PCBP3: variants seen among roughly 807,000 people sequenced by gnomAD.
The protein encoded by PCBP3 is poly(rC) binding protein 3, also known as poly(rC)-binding protein 3.
Under a neutral mutation model 52.7 loss-of-function variants are expected in PCBP3, and 25 were observed. The observed-to-expected ratio is 0.47, with a 90% CI of 0.35 to 0.66. The LOEUF (loss-of-function observed/expected upper bound fraction) is 0.66. Ranked by LOEUF, PCBP3 falls within the 30% of genes least tolerant of loss-of-function variation. The pLI, the probability that PCBP3 is intolerant of heterozygous loss-of-function variation, is 0.01. For missense variants in PCBP3, 391 were observed against 490.3 expected (o/e 0.80, Z 1.91); for synonymous variants, 162 against 183.0 (o/e 0.89, Z 0.93).
intron 2 of PCBP3, among the ~76,000 whole-genome samples, chr21:45,708,251 T>C (rs922587448): frequency 1.3e-5 from 2 of 152,006 alleles, no homozygotes; most frequent in African/African-American, 4.8e-5. Context: ...AGGGCTAGAG[T>C]GGTGCTCTGG....
Position 45,802,892 on chromosome 21 carries a change from G to A in PCBP3, c.-125-47069G>A, listed in dbSNP as rs1466875848. On this transcript the variant is annotated intron_variant, in intron 4 of 17. Transcript: ENST00000681687. The surrounding 1 kb of genome is among the most constrained non-coding windows in gnomAD (Gnocchi z 5.1). ...TTGTCGTGTATAAACGACTCACTAG[G>A]TCTTGGTGCATTTTTCATTGATACT... Among the ~76,000 whole-genome samples the A allele has an allele frequency of 1.3e-5, 2 of 152,220 alleles. No homozygotes were observed. The highest frequency in any genetic ancestry group is 2.4e-5 in the African/African-American group (1 of 41,454).
intron 4 of PCBP3, chr21:45,762,051 A>G (rs1181370503): frequency 1.3e-5 from 2 of 152,092 alleles, no homozygotes; most frequent in African/African-American, 4.8e-5. Flanking sequence ...TTTATTTTCT[A>G]TTGCTGTGTA....
chr21:45,806,448 C>A (rs949734697), intron 4 of PCBP3, among the ~76,000 whole-genome samples: 1 of 150,890 alleles, frequency 6.6e-6, no homozygotes, highest in East Asian at 1.9e-4. Flanking sequence ...GCCCTGGATG[C>A]CTTCAGAACA....
At chr21:45,906,968 A>G (rs962401761) in intron 9 of PCBP3, among the ~76,000 whole-genome samples, 1 of 152,208 alleles carries the variant, frequency 6.6e-6, no homozygotes, top group African/African-American at 2.4e-5. Flanking sequence ...TGCAGGTCGG[A>G]TGCAGGAAGA....
At chr21:45,909,798 C>CGG (rs1569484467) in intron 10 of PCBP3, among the ~76,000 whole-genome samples, 14 of 90,482 alleles carry the variant, frequency 1.5e-4, no homozygotes, top group African/African-American at 3.2e-4. Context: ...GGACCCCCCC[C>CGG]CCACCCACTG....
rs537609673 is a variant in PCBP3 at position 45,650,978 on chromosome 21, G to A, written c.-279+7110G>A. Among the ~76,000 whole-genome samples the A allele has an allele frequency of 2.0e-5, 3 of 152,222 alleles. No individual in the cohort carries two copies. In the East Asian group the frequency reaches 5.8e-4, roughly 29 times the overall value. ...GGGGGCACTCAGTCCAATAGCACAAGGAAACAAATTTTGTCAATAATCTTG... is the reference window on the plus strand; with the variant it reads ...GGGGGCACTCAGTCCAATAGCACAAAGAAACAAATTTTGTCAATAATCTTG... On this transcript the variant is annotated intron_variant, in intron 1 of 17. Transcript: ENST00000681687.
intron 2 of PCBP3, among the ~76,000 whole-genome samples, chr21:45,720,960 G>A (rs1307301092): frequency 1.3e-5 from 2 of 152,218 alleles, no homozygotes; most frequent in Non-Finnish European, 2.9e-5. Flanking sequence ...GGGTGTGGGG[G>A]CCCTTTCAGC....
At chr21:45,667,137 CCCTTT>C (rs2147199051) in intron 1 of PCBP3, among the ~76,000 whole-genome samples, 1 of 113,604 alleles carries the variant, frequency 8.8e-6, no homozygotes, top group South Asian at 2.9e-4. Flanking sequence ...CCCTTCCCTT[CCCTTT>C]TTCTTTCTTT....
intron 4 of PCBP3, among the ~76,000 whole-genome samples, chr21:45,795,288 A>G (rs913736963): frequency 6.6e-6 from 1 of 151,194 alleles, no homozygotes; most frequent in East Asian, 1.9e-4. Flanking sequence ...GGAAGGGGAC[A>G]CAGAGGACAC....
chr21:45,809,182 G>C (rs2146976763), intron 4 of PCBP3, among the ~76,000 whole-genome samples: 1 of 152,212 alleles, frequency 6.6e-6, no homozygotes, highest in East Asian at 1.9e-4. Context: ...AGAACTTAAA[G>C]TATAAAAAAA....
chr21:45,747,755 C>T (rs2087033558), intron 3 of PCBP3, among the ~76,000 whole-genome samples: 1 of 152,260 alleles, frequency 6.6e-6, no homozygotes, highest in Non-Finnish European at 1.5e-5. Flanking sequence ...GGAAATGGTG[C>T]AGCACACCTC....
intron 1 of PCBP3, among the ~76,000 whole-genome samples, chr21:45,664,971 AT>A (rs1181831835): frequency 6.6e-6 from 1 of 151,868 alleles, no homozygotes; most frequent in Non-Finnish European, 1.5e-5. Context: ...TTTCATCAGC[AT>A]TTTGCAGTTG....
At chr21:45,780,175 C>T (rs536699097) in intron 4 of PCBP3, among the ~76,000 whole-genome samples, 1 of 152,196 alleles carries the variant, frequency 6.6e-6, no homozygotes, top group African/African-American at 2.4e-5. Flanking sequence ...AAACGTGAGG[C>T]GTTCTTTGTG....
chr21:45,760,081 A>G (rs2088475285), intron 4 of PCBP3: 1 of 152,236 alleles, frequency 6.6e-6, no homozygotes, highest in South Asian at 2.1e-4. Flanking sequence ...TATACTTAAT[A>G]TATCTTTCAG....
chr21:45,927,793 C>T (rs2075670497), intron 13 of PCBP3, among the ~76,000 whole-genome samples: 1 of 152,170 alleles, frequency 6.6e-6, no homozygotes, highest in South Asian at 2.1e-4. Context: ...AGTCAAGGAA[C>T]TGAGGCCTGG....
At chr21:45,740,152 C>T (rs1332002333) in intron 3 of PCBP3, among the ~76,000 whole-genome samples, 3 of 152,184 alleles carry the variant, frequency 2.0e-5, no homozygotes, top group African/African-American at 4.8e-5. Flanking sequence ...CCCCATCCTC[C>T]GACCCAAGGG....
intron 9 of PCBP3, among the ~76,000 whole-genome samples, chr21:45,906,810 A>C (rs145154678): frequency 2.0e-4 from 30 of 152,340 alleles, no homozygotes; most frequent in East Asian, 1.9e-4. Flanking sequence ...GTGGAGTCCC[A>C]GAGCAAGAAT....
intron 2 of PCBP3, among the ~76,000 whole-genome samples, chr21:45,702,461 C>G (rs946761611): frequency 2.6e-5 from 4 of 152,086 alleles, no homozygotes; most frequent in African/African-American, 9.7e-5. Context: ...AAGCAAATAT[C>G]AAAGCAAGTC....
At chr21:45,924,744 C>T (rs368878059) in intron 13 of PCBP3, among the ~76,000 whole-genome samples, 1 of 53,484 alleles carries the variant, frequency 1.9e-5, no homozygotes, top group East Asian at 3.1e-4. Context: ...CGGGTGTGCA[C>T]GAGGAGATGT....
Sources: gnomAD v4.1 joint callset for allele counts (sites outside exome capture counted in the v4.1 genomes callset) on GRCh38, gnomAD v4.1.1 for gene constraint, Gnocchi (gnomAD v3.1) non-coding constraint, MANE v1.5 for transcripts, NCBI Gene and HGNC (gene_info 2026-07-23, HGNC 2026-07-21) for gene names.